Variants in CD99L2 observed in about 807,000 individuals in gnomAD.
The protein encoded by CD99L2 is CD99 antigen-like protein 2.
CD99L2 carries 24 observed loss-of-function variants against 27.3 expected under a neutral mutation model. The ratio of observed to expected loss-of-function variants is 0.88; its 90% CI spans 0.64 to 1.24. The LOEUF (loss-of-function observed/expected upper bound fraction) is 1.24. CD99L2 is among the 50% of genes most tolerant of loss of function. The probability of loss-of-function intolerance (pLI) is 0.00; values close to 1 mark genes in which losing one functional copy is unlikely to be tolerated. For missense variants in CD99L2, 255 were observed against 221.6 expected, an observed-to-expected ratio of 1.15 and a Z score of -0.96; for synonymous variants, 97 against 87.9, an observed-to-expected ratio of 1.10 and a Z score of -0.58.
At chrX:150,809,829 TAAATG>T (rs1391487283) in intron 4 of CD99L2, among the ~76,000 whole-genome samples, 1 of 112,146 alleles carries the variant, frequency 8.9e-6, no homozygotes, top group Non-Finnish European at 1.9e-5. Context: ...TAATATCAGA[TAAATG>T]AGATGTCATA....
chrX:150,815,898 G>T, intron 3 of CD99L2, 109 bp downstream of exon 3: 1 of 770,550 alleles, frequency 1.3e-6, no homozygotes, highest in Non-Finnish European at 2.0e-6. Flanking sequence ...TGCCTTGATT[G>T]TTTCTGCACA....
At chrX:150,819,200 G>C (rs1603298387) in intron 2 of CD99L2, 1 of 365,897 alleles carries the variant, frequency 2.7e-6, no homozygotes, top group African/African-American at 2.6e-5. Flanking sequence ...TCCAGGAATG[G>C]CAAGACCAGC....
intron 2 of CD99L2, chrX:150,818,899 G>A (rs782629558): frequency 2.1e-5 from 8 of 375,145 alleles, no homozygotes; most frequent in African/African-American, 2.1e-4. Context: ...TGGTTATAAG[G>A]GTTCTTACTT....
At chrX:150,772,973 A>G (rs2043487555) in intron 9 of CD99L2, among the ~76,000 whole-genome samples, 1 of 112,404 alleles carries the variant, frequency 8.9e-6, no homozygotes, top group Admixed American at 9.3e-5. Flanking sequence ...TTGCCTGCTG[A>G]TCCAATTCGC....
At chrX:150,894,518 C>T (rs1282905071) in intron 1 of CD99L2, among the ~76,000 whole-genome samples, 1 of 111,380 alleles carries the variant, frequency 9.0e-6, no homozygotes, top group African/African-American at 3.3e-5. Flanking sequence ...AGGGAGCAGG[C>T]ACTTGGTGGC....
chrX:150,822,641 C>G (rs1396986247), intron 2 of CD99L2, among the ~76,000 whole-genome samples: 1 of 111,055 alleles, frequency 9.0e-6, no homozygotes, highest in Non-Finnish European at 1.9e-5. Context: ...CTCTTCTTGT[C>G]CAACAAAAAA....
At chrX:150,788,139 T>G (rs1394492204) in intron 7 of CD99L2, among the ~76,000 whole-genome samples, 6 of 109,197 alleles carry the variant, frequency 5.5e-5, no homozygotes, top group Non-Finnish European at 1.1e-4. Flanking sequence ...GATGCAAAAA[T>G]CCTCAACAAA....
At chrX:150,790,538 G>T (rs1191181306) in intron 7 of CD99L2, among the ~76,000 whole-genome samples, 2 of 111,468 alleles carry the variant, frequency 1.8e-5, no homozygotes, top group East Asian at 5.7e-4. Context: ...GGAACTGTAA[G>T]GTAAAGACAA....
At position 150,864,403 on chromosome X, in the gene CD99L2, C is replaced by T. The variant is rs1395786047; in HGVS notation, c.68-33110G>A. 1.6e-4 allele frequency among the ~76,000 whole-genome samples: 18 copies of T among 112,617 alleles called. No individual in the cohort carries two copies. The Admixed American group carries it at 1.7e-3, about 11-fold the overall frequency. On this transcript the variant is annotated intron_variant, in intron 1 of 10. Transcript: ENST00000370377. ...ATACTTTTCACATCTACCATGAAGG[C>T]AAAAATTCAAAAGATGAATGGATTT... is the stretch of plus-strand genomic sequence containing the variant.
chrX:150,798,902 C>T (rs1216053561), intron 4 of CD99L2, among the ~76,000 whole-genome samples: 4 of 111,635 alleles, frequency 3.6e-5, no homozygotes, highest in Non-Finnish European at 7.5e-5. Flanking sequence ...AGGCGTGCAC[C>T]ACCATGCCCA....
At chrX:150,861,959 A>G (rs1557421920) in intron 1 of CD99L2, among the ~76,000 whole-genome samples, 1 of 110,215 alleles carries the variant, frequency 9.1e-6, no homozygotes, top group African/African-American at 3.3e-5. Flanking sequence ...CCTCTACGCA[A>G]ATAAACTAGA....
intron 4 of CD99L2, among the ~76,000 whole-genome samples, chrX:150,800,409 C>T (rs1371760108): frequency 9.0e-6 from 1 of 110,545 alleles, no homozygotes; most frequent in Non-Finnish European, 1.9e-5. Flanking sequence ...ATTCAAAGAA[C>T]AAAAAACAAA....
intron 1 of CD99L2, among the ~76,000 whole-genome samples, chrX:150,864,209 G>A (rs1371394004): frequency 1.8e-5 from 2 of 111,865 alleles, no homozygotes; most frequent in Non-Finnish European, 3.8e-5. Flanking sequence ...TCTTAAAGGA[G>A]GAAGAACACA....
At chrX:150,856,631 T>A (rs1415283867) in intron 1 of CD99L2, among the ~76,000 whole-genome samples, 1 of 109,490 alleles carries the variant, frequency 9.1e-6, no homozygotes, top group Non-Finnish European at 1.9e-5. Context: ...CCCATTTCTA[T>A]AAAACTCTAG....
At chrX:150,820,539 C>T (rs1328676108) in intron 2 of CD99L2, among the ~76,000 whole-genome samples, 3 of 111,897 alleles carry the variant, frequency 2.7e-5, no homozygotes, top group Admixed American at 9.5e-5. Flanking sequence ...TAAAGGGCAT[C>T]TGTGAAAAAT....
chrX:150,776,651 T>C (rs1289631214), intron 8 of CD99L2, among the ~76,000 whole-genome samples: 1 of 111,755 alleles, frequency 8.9e-6, no homozygotes, highest in Non-Finnish European at 1.9e-5. Flanking sequence ...CACCCCTCTA[T>C]TGGCCTCATG....
intron 2 of CD99L2, among the ~76,000 whole-genome samples, chrX:150,824,304 A>AGAGGAG (rs782400184): frequency 1.6e-5 from 1 of 62,556 alleles, no homozygotes; most frequent in African/African-American, 6.2e-5. Context: ...AAGAAGAAGA[A>AGAGGAG]GAGGAGGAGG....
rs2046303109 is a variant in CD99L2, at chrX:150,824,283, GAGA to G, written c.130+6945_130+6947del. ...AAGAAGGAAGGAGGAGGAGGAGGAG[GAGA>G]AAGGAAGAAGAAGAAGAAGAGGAGG... is the stretch of plus-strand genomic sequence containing the variant. On this transcript the variant is annotated intron_variant, in intron 2 of 10. Transcript: ENST00000370377. Among the ~76,000 whole-genome samples, 3 of 66,114 alleles carry G rather than the reference GAGA, an allele frequency of 4.5e-5. 1 individual carries two copies. Among genetic ancestry groups the G allele is most frequent in the South Asian group, 2.5e-3 (2 of 789 alleles). 57.4% of individuals were successfully genotyped at this position (66,114 alleles called of 115,157 possible).
At chrX:150,893,220 C>G (rs2047548113) in intron 1 of CD99L2, among the ~76,000 whole-genome samples, 4 of 111,796 alleles carry the variant, frequency 3.6e-5, no homozygotes, top group Admixed American at 1.9e-4. Flanking sequence ...GTAAGACTAA[C>G]AGGCAGAGTC....
Sources: allele counts gnomAD v4.1 joint callset (sites outside exome capture counted in the v4.1 genomes callset), GRCh38; gene constraint gnomAD v4.1.1; transcripts MANE v1.5; gene names NCBI Gene and HGNC (gene_info 2026-07-23, HGNC 2026-07-21).